Variants in EPHA5 observed in about 807,000 individuals in gnomAD.
EPHA5 encodes EPH receptor A5.
In EPHA5, 60 loss-of-function variants were observed where a neutral mutation model predicts 105.0. The ratio of observed to expected loss-of-function variants is 0.57; its 90% CI spans 0.46 to 0.71. The LOEUF is 0.71. Ranked by LOEUF, EPHA5 falls within the 30% of genes least tolerant of loss-of-function variation. The probability of loss-of-function intolerance (pLI) is 0.00; values close to 1 mark genes in which losing one functional copy is unlikely to be tolerated. For synonymous variants in EPHA5, 513 were observed against 449.1 expected (o/e 1.14, Z -1.80); for missense variants, 1,218 against 1,274.7 (o/e 0.96, Z 0.68).
At chr4:65,539,324 C>T (rs927232142) in intron 3 of EPHA5, among the ~76,000 whole-genome samples, 4 of 150,832 alleles carry the variant, frequency 2.7e-5, no homozygotes, top group African/African-American at 9.7e-5. Flanking sequence ...AAAACCAAGA[C>T]AAAGGAGGAG....
At chr4:65,389,348 A>G (rs1370464676) in intron 8 of EPHA5, among the ~76,000 whole-genome samples, 5 of 152,176 alleles carry the variant, frequency 3.3e-5, no homozygotes. Flanking sequence ...ATTAATATAA[A>G]AAGTACTTGA....
At chr4:65,505,029 T>C (rs186984801) in intron 3 of EPHA5, among the ~76,000 whole-genome samples, 1 of 152,148 alleles carries the variant, frequency 6.6e-6, no homozygotes. Context: ...TATAAGGGTA[T>C]ATATAAAAAT....
chr4:65,612,038 AAGGAAAG>A (rs1411623994), intron 2 of EPHA5, among the ~76,000 whole-genome samples: 16,775 of 117,988 alleles, frequency 0.14, 2,157 homozygotes, highest in Non-Finnish European at 0.22. Flanking sequence ...AAAAAAAAAA[AAGGAAAG>A]AAAAGAAAAG....
chr4:65,337,729 T>C (rs984652860), intron 14 of EPHA5, among the ~76,000 whole-genome samples: 7 of 152,012 alleles, frequency 4.6e-5, no homozygotes, highest in African/African-American at 1.7e-4. Context: ...GGCTAGAGCA[T>C]AGGAGATAGC....
intron 1 of EPHA5, among the ~76,000 whole-genome samples, chr4:65,668,271 C>T (rs555467778): frequency 5.9e-5 from 9 of 152,096 alleles, no homozygotes; most frequent in Non-Finnish European, 1.3e-4. Flanking sequence ...AGACTGAACC[C>T]ATGCAAGTCA....
intron 1 of EPHA5, among the ~76,000 whole-genome samples, chr4:65,661,110 C>T (rs1042761639): frequency 2.6e-5 from 4 of 151,874 alleles, no homozygotes; most frequent in African/African-American, 4.8e-5. Flanking sequence ...CCATTATTGC[C>T]GTAATACAGA....
At chr4:65,399,783 AG>A (rs1417759961) in intron 8 of EPHA5, among the ~76,000 whole-genome samples, 1 of 152,230 alleles carries the variant, frequency 6.6e-6, no homozygotes, top group African/African-American at 2.4e-5. Flanking sequence ...AATTAAATTC[AG>A]GATCACATAA....
chr4:65,652,269 A>G (rs1237952475), intron 1 of EPHA5, among the ~76,000 whole-genome samples: 1 of 152,178 alleles, frequency 6.6e-6, no homozygotes, highest in Non-Finnish European at 1.5e-5. Flanking sequence ...TTCATTGCAT[A>G]GAGAATACTC....
At position 65,591,877 on chromosome 4, in the gene EPHA5, T is replaced by C. The variant is rs180814022; in HGVS notation, c.910+9764A>G. Reference sequence around the variant, plus strand: ...ATACTAACTATTTAGTAAAATAACATGAGTTTTGAGTAAAACTTAAATGAA... The same window carrying C: ...ATACTAACTATTTAGTAAAATAACACGAGTTTTGAGTAAAACTTAAATGAA... On this transcript the variant is annotated intron_variant, in intron 3 of 16. Coordinates refer to ENST00000613740, the MANE Select transcript of EPHA5 (RefSeq NM_001281766.3). Among the ~76,000 whole-genome samples the C allele has an allele frequency of 1.1e-3, 174 of 152,276 alleles. 1 individual carries two copies. The highest frequency in any genetic ancestry group is 2.1e-3 in the Admixed American group (32 of 15,292).
chr4:65,623,785 C>T (rs1444157429), intron 2 of EPHA5, among the ~76,000 whole-genome samples: 1 of 151,992 alleles, frequency 6.6e-6, no homozygotes, highest in East Asian at 1.9e-4. Flanking sequence ...AAACTTCTGT[C>T]ATAAAACAAA....
At chr4:65,409,825 C>T (rs946019623) in intron 7 of EPHA5, among the ~76,000 whole-genome samples, 1 of 152,092 alleles carries the variant, frequency 6.6e-6, no homozygotes, top group African/African-American at 2.4e-5. Context: ...ACGTAATTAG[C>T]TAACAGTGAT....
chr4:65,405,266 C>G (rs895727104), intron 7 of EPHA5, among the ~76,000 whole-genome samples: 1 of 82,162 alleles, frequency 1.2e-5, no homozygotes, highest in African/African-American at 4.4e-5. Context: ...GATAACTAAT[C>G]TTGATTAAAA....
In EPHA5 at chr4:65,348,074, A is replaced by G; in HGVS notation, c.2575T>C (p.Trp859Arg). The G allele has an allele frequency of 6.2e-7, 1 of 1,608,434 alleles. No individual in the cohort carries two copies. Among genetic ancestry groups the G allele is most frequent in the Non-Finnish European group, 8.5e-7 (1 of 1,177,520 alleles). The change falls in exon 14 of 17, where the codon TGG becomes CGG. Residue 859 changes from tryptophan to arginine, a missense_variant. Around this residue, in one of 3 missense-constraint regions of EPHA5, gnomAD observed 971 missense variants for 1,013.5 expected, o/e 0.96. Transcript: ENST00000613740. ...CTCACATCTTGATTGGTCATCTCCC[A>G]GTAGGGTCTCTCTCCATAAGACACA... Reference protein sequence around the residue: ...EVVSYGERPYWEMTNQDVIKA... With the variant: ...EVVSYGERPYREMTNQDVIKA...
At chr4:65,617,578 G>C (rs568551595) in intron 2 of EPHA5, among the ~76,000 whole-genome samples, 1 of 152,214 alleles carries the variant, frequency 6.6e-6, no homozygotes, top group Non-Finnish European at 1.5e-5. Flanking sequence ...TTTCCTAGAA[G>C]TAATTTGGTC....
intron 5 of EPHA5, among the ~76,000 whole-genome samples, chr4:65,426,598 G>A (rs1346976476): frequency 6.6e-6 from 1 of 152,080 alleles, no homozygotes; most frequent in Non-Finnish European, 1.5e-5. Flanking sequence ...CTGGAGCATA[G>A]AATGGCATTT....
rs546589041 is a variant in EPHA5 at position 65,475,418 on chromosome 4, T to A, written c.1402+14959A>T. Among the ~76,000 whole-genome samples, 199 of 152,270 alleles carry A rather than the reference T, an allele frequency of 1.3e-3. 1 individual carries two copies. Among genetic ancestry groups the A allele is most frequent in the Non-Finnish European group, 2.2e-3 (148 of 68,014 alleles). On this transcript the variant is annotated intron_variant, in intron 5 of 16. Transcript: ENST00000613740. ...TAAGTGAACTTTGTTTAGAATCTAA[T>A]AAAGGACTCATGCATATGCTTGATT...
chr4:65,533,663 A>G (rs897918746), intron 3 of EPHA5, among the ~76,000 whole-genome samples: 31 of 152,226 alleles, frequency 2.0e-4, no homozygotes, highest in African/African-American at 7.2e-4. Flanking sequence ...GGCCGGGCAC[A>G]GTGGCTCACG....
At chr4:65,511,210 A>T (rs967895174) in intron 3 of EPHA5, among the ~76,000 whole-genome samples, 6 of 152,184 alleles carry the variant, frequency 3.9e-5, no homozygotes, top group African/African-American at 1.4e-4. Context: ...ATGTTACATT[A>T]CTCAACAAAG....
At chr4:65,465,851 C>T (rs934856916) in intron 5 of EPHA5, among the ~76,000 whole-genome samples, 4 of 152,306 alleles carry the variant, frequency 2.6e-5, no homozygotes, top group African/African-American at 4.8e-5. Flanking sequence ...TCTATAATGT[C>T]ATACATTCAC....
Sources: allele counts gnomAD v4.1 joint callset (sites outside exome capture counted in the v4.1 genomes callset), GRCh38; gene constraint gnomAD v4.1.1; regional missense constraint gnomAD v4.1.1; transcripts MANE v1.5; gene names NCBI Gene and HGNC (gene_info 2026-07-23, HGNC 2026-07-21).